MYO5A: variants seen among roughly 807,000 people sequenced by gnomAD.
MYO5A encodes unconventional myosin-Va.
MYO5A carries 98 observed loss-of-function variants against 249.7 expected under a neutral mutation model. The ratio of observed to expected loss-of-function variants is 0.39; its 90% CI spans 0.33 to 0.46. The LOEUF is 0.46. Ranked by LOEUF, MYO5A falls within the 20% of genes least tolerant of loss-of-function variation. The pLI, the probability that MYO5A is intolerant of heterozygous loss-of-function variation, is 0.98. For synonymous variants in MYO5A, 778 were observed against 810.6 expected, an observed-to-expected ratio of 0.96 and a Z score of 0.68; for missense variants, 1,696 against 2,308.8, an observed-to-expected ratio of 0.73 and a Z score of 5.44.
Position 52,324,096 on chromosome 15 carries a change from C to T in MYO5A, c.4711-652G>A, listed in dbSNP as rs1056496602. ...CCCCCGTGGGGTTAATGATGGGAAT[C>T]AGAACTAAAAGCAGAAAGAGGAATA... On this transcript the variant is annotated intron_variant, in intron 36 of 41. Coordinates refer to ENST00000399233, the MANE Select transcript of MYO5A (RefSeq NM_001382347.1). Among the ~76,000 whole-genome samples the T allele has an allele frequency of 6.3e-4, 88 of 140,774 alleles. 1 individual carries two copies. The highest frequency in any genetic ancestry group is 6.4e-4 in the Non-Finnish European group (42 of 65,438). The allele number at this position is 140,774 out of a possible 152,430, so 92.4% of individuals were successfully genotyped here.
intron 1 of MYO5A, among the ~76,000 whole-genome samples, chr15:52,515,092 A>G (rs935529196): frequency 2.0e-5 from 3 of 152,140 alleles, no homozygotes; most frequent in Non-Finnish European, 4.4e-5. Flanking sequence ...AGCCTGGACA[A>G]CACAGTGAGA....
Position 52,353,961 on chromosome 15 carries a change from C to T in MYO5A, c.3477G>A (p.Gln1159=). The change falls in exon 26 of 42, where the codon CAG becomes CAA. Residue 1159 remains glutamine, a synonymous_variant. Coordinates refer to ENST00000399233, the MANE Select transcript of MYO5A (RefSeq NM_001382347.1). ...PLDMSLFLKL[Q]KRVTELEQEK... ...CCTGCTCCAGCTCTGTGACCCGCTT[C>T]TGGAGCTTAAGGAACAATGACATGT... is the stretch of plus-strand genomic sequence containing the variant. 1 of 1,614,244 alleles carries T rather than the reference C, an allele frequency of 6.2e-7. No homozygotes were observed. The highest frequency in any genetic ancestry group is 1.1e-5 in the South Asian group (1 of 91,092).
intron 1 of MYO5A, among the ~76,000 whole-genome samples, chr15:52,506,483 C>T (rs953507016): frequency 8.0e-5 from 12 of 150,492 alleles, no homozygotes; most frequent in Non-Finnish European, 1.2e-4. Context: ...GCCGAGATCG[C>T]GCCATTGTAC....
intron 1 of MYO5A, among the ~76,000 whole-genome samples, chr15:52,504,161 C>A (rs2077216959): frequency 6.7e-6 from 1 of 150,228 alleles, no homozygotes; most frequent in African/African-American, 2.5e-5. Context: ...CTAGAAACAA[C>A]CATGGTTAGA....
At chr15:52,515,389 G>C (rs527640078) in intron 1 of MYO5A, among the ~76,000 whole-genome samples, 1 of 152,276 alleles carries the variant, frequency 6.6e-6, no homozygotes, top group Admixed American at 6.5e-5. Context: ...GTGGGGGAAA[G>C]TAAATCAAGA....
intron 1 of MYO5A, among the ~76,000 whole-genome samples, chr15:52,455,772 TA>T (rs35470827): frequency 0.89 from 130,144 of 146,616 alleles, 57,896 homozygotes; most frequent in Admixed American, 0.93. Context: ...CCCTTCATGA[TA>T]AAAAAAAAAA....
At chr15:52,501,134 T>C (rs930463999) in intron 1 of MYO5A, among the ~76,000 whole-genome samples, 9 of 152,176 alleles carry the variant, frequency 5.9e-5, no homozygotes, top group African/African-American at 2.2e-4. Flanking sequence ...CAGGCCCGGC[T>C]AATTTTTTTT....
chr15:52,355,274 C>T (rs2040161383), intron 25 of MYO5A, among the ~76,000 whole-genome samples: 1 of 152,156 alleles, frequency 6.6e-6, no homozygotes, highest in Non-Finnish European at 1.5e-5. Context: ...CTGTGGGTTC[C>T]ACATCCTCTC....
intron 22 of MYO5A, among the ~76,000 whole-genome samples, chr15:52,369,085 T>G (rs1596355532): frequency 6.6e-6 from 1 of 152,334 alleles, no homozygotes; most frequent in South Asian, 2.1e-4. Flanking sequence ...CTTTTGGCAC[T>G]GCTGTTTCTA....
At chr15:52,522,927 T>C (rs2077652496) in intron 1 of MYO5A, among the ~76,000 whole-genome samples, 1 of 151,770 alleles carries the variant, frequency 6.6e-6, no homozygotes, top group Non-Finnish European at 1.5e-5. Context: ...AATCTCTCTG[T>C]AATCTTTTCT....
chr15:52,516,771 C>T (rs144707671), intron 1 of MYO5A, among the ~76,000 whole-genome samples: 1 of 152,346 alleles, frequency 6.6e-6, no homozygotes, highest in East Asian at 1.9e-4. Flanking sequence ...AAGGCATGGC[C>T]TTCTCCAGAC....
intron 29 of MYO5A, 92 bp downstream of exon 29, chr15:52,348,726 A>G (rs2039781793): frequency 7.5e-6 from 8 of 1,066,352 alleles, no homozygotes; most frequent in African/African-American, 1.6e-5. Context: ...ACTTGGTCAG[A>G]AAGCATCAAT....
intron 37 of MYO5A, 48 bp downstream of exon 37, chr15:52,323,307 G>C: frequency 6.6e-7 from 1 of 1,511,356 alleles, no homozygotes; most frequent in Non-Finnish European, 9.2e-7. Context: ...TCCTTAAAAA[G>C]GTCAGAGAAA....
At chr15:52,343,015 A>G (rs2140996233) in intron 31 of MYO5A, 102 bp downstream of exon 31, 1 of 919,944 alleles carries the variant, frequency 1.1e-6, no homozygotes. Context: ...ACCCAAGAAG[A>G]CAATCAATGC....
In MYO5A at chr15:52,360,958, C is replaced by G. The variant is rs538003577; in HGVS notation, c.3310-877G>C. Among the ~76,000 whole-genome samples the G allele has an allele frequency of 3.3e-5, 5 of 152,252 alleles. No homozygotes were observed. The South Asian group carries it at 1.0e-3, about 32-fold the overall frequency. On this transcript the variant is annotated intron_variant, in intron 24 of 41. Transcript: ENST00000399233. ...GGCCTCTGAGAGCTTTCTCATCTGTCCAGTTTTCTTTGTACCTTTCCCCAG... is the reference window on the plus strand; with the variant it reads ...GGCCTCTGAGAGCTTTCTCATCTGTGCAGTTTTCTTTGTACCTTTCCCCAG...
rs1310563687 is a variant in MYO5A at position 52,375,419 on chromosome 15, A to G, written c.2462T>C (p.Ile821Thr). ...FLRRTKAATI[I>T]QKYWRMYVVR... ...CACATACATGCGCCAGTACTTTTGA[A>G]TGATGGTTGCTGCCTTGGTTCTGCG... Residue 821 changes from isoleucine (I) to threonine (T), a missense_variant, in exon 20 of 42, where the codon ATT becomes ACT. Around this residue, in one of 5 missense-constraint regions of MYO5A, gnomAD observed 412 missense variants for 453.3 expected, o/e 0.91. Coordinates refer to ENST00000399233, the MANE Select transcript of MYO5A (RefSeq NM_001382347.1). 1.2e-6 allele frequency: 2 copies of G among 1,614,064 alleles called. No individual in the cohort carries two copies. Among genetic ancestry groups the G allele is most frequent in the African/African-American group, 1.3e-5 (1 of 74,940 alleles).
At chr15:52,449,860 G>C (rs1003477771) in intron 1 of MYO5A, among the ~76,000 whole-genome samples, 10 of 152,240 alleles carry the variant, frequency 6.6e-5, no homozygotes, top group African/African-American at 2.2e-4. Flanking sequence ...AATTAGCCAG[G>C]TGTGATAGCA....
chr15:52,361,250 C>T (rs940360697), intron 24 of MYO5A, among the ~76,000 whole-genome samples: 1 of 152,162 alleles, frequency 6.6e-6, no homozygotes, highest in Non-Finnish European at 1.5e-5. Flanking sequence ...GGCACTCTTG[C>T]TTAAAGTTTC....
At chr15:52,515,041 G>GCCAGGGTGGGAGGATCACTTGAGC (rs1308809739) in intron 1 of MYO5A, among the ~76,000 whole-genome samples, 1 of 152,122 alleles carries the variant, frequency 6.6e-6, no homozygotes, top group Non-Finnish European at 1.5e-5. Flanking sequence ...ACTTTGGGAG[G>GCCAGGGTGGGAGGATCACTTGAGC]CCAGGGTGGG....
Sources: allele counts gnomAD v4.1 joint callset (sites outside exome capture counted in the v4.1 genomes callset), GRCh38; gene constraint gnomAD v4.1.1; regional missense constraint gnomAD v4.1.1; transcripts MANE v1.5; gene names NCBI Gene and HGNC (gene_info 2026-07-23, HGNC 2026-07-21).